Variants in SCN10A observed in about 807,000 individuals in gnomAD.
SCN10A encodes the protein sodium voltage-gated channel alpha subunit 10.
In SCN10A, 162 loss-of-function variants were observed where a neutral mutation model predicts 170.7. The ratio of observed to expected loss-of-function variants is 0.95; its 90% CI spans 0.84 to 1.08. The LOEUF (loss-of-function observed/expected upper bound fraction) is 1.08. Among genes scored for constraint, SCN10A ranks in the 50% least tolerant of loss-of-function variants. SCN10A has a pLI of 0.00. For missense variants in SCN10A, 2,527 were observed against 2,436.9 expected (o/e 1.04, Z -0.78); for synonymous variants, 985 against 904.6 (o/e 1.09, Z -1.59).
chr3:38,759,178 A>G (rs774166363), intron 8 of SCN10A, among the ~76,000 whole-genome samples: 3 of 152,128 alleles, frequency 2.0e-5, no homozygotes, highest in Non-Finnish European at 4.4e-5. Context: ...TGGAGCCGTC[A>G]GCCTCTCAGG....
chr3:38,786,533 T>C (rs1005936639), intron 4 of SCN10A, among the ~76,000 whole-genome samples: 10 of 152,070 alleles, frequency 6.6e-5, no homozygotes, highest in Non-Finnish European at 8.8e-5. Context: ...ATGTAGATGA[T>C]GGGTTGATGG....
At chr3:38,741,356 TAAGAA>T (rs1290227764) in intron 14 of SCN10A, among the ~76,000 whole-genome samples, 2 of 151,898 alleles carry the variant, frequency 1.3e-5, no homozygotes, top group African/African-American at 4.8e-5. Flanking sequence ...ATTCAGGGGT[TAAGAA>T]AAGCGGGCTT....
chr3:38,713,405 T>G (rs576133520), intron 22 of SCN10A, among the ~76,000 whole-genome samples: 1 of 152,008 alleles, frequency 6.6e-6, no homozygotes, highest in East Asian at 1.9e-4. Flanking sequence ...GTTGGGTGAT[T>G]GAGATAATAG....
rs1398594024 is a variant in SCN10A at position 38,752,331 on chromosome 3, G to A, written c.1643C>T (p.Pro548Leu). Residue 548 changes from proline to leucine, a missense_variant, in exon 12 of 28, where the codon CCC becomes CTC. Transcript: ENST00000449082. The stretch of plus-strand genomic sequence containing the variant: ...TTGAGGAAGAGGGCTTCTAGGGAGG[G>A]GGCCTTGCTGGCCAGCACCCCCACC... ...LLGGGAGQQG[P>L]LPRSPLPQPS... The A allele has an allele frequency of 1.9e-6, 3 of 1,613,180 alleles. No homozygotes were observed. The highest frequency in any genetic ancestry group is 1.1e-5 in the South Asian group (1 of 90,850).
intron 4 of SCN10A, among the ~76,000 whole-genome samples, chr3:38,782,593 C>T (rs1008376247): frequency 1.3e-5 from 2 of 152,038 alleles, no homozygotes; most frequent in Admixed American, 1.3e-4. Flanking sequence ...CCAAATAACT[C>T]CCAAATAACT....
chr3:38,787,488 AC>A (rs555777449), intron 4 of SCN10A, among the ~76,000 whole-genome samples: 1 of 150,226 alleles, frequency 6.7e-6, no homozygotes, highest in South Asian at 2.1e-4. Flanking sequence ...TTCTTCTTGC[AC>A]TTTTTTTTTC....
At position 38,714,051 on chromosome 3, in the gene SCN10A, A is replaced by T. The variant is rs148339462; in HGVS notation, c.3711T>A (p.Ile1237=). 75 of 1,614,048 alleles carry T rather than the reference A, an allele frequency of 4.6e-5. No individual in the cohort carries two copies. The highest frequency in any genetic ancestry group is 6.1e-5 in the Non-Finnish European group (72 of 1,180,032). ...TGGGAGCCACTTCAGAATATTCCAG[A>T]ATCTTCGCTGTGAGACTTATCAGTG... ...NISLISLTAK[I]LEYSEVAPIK... is the part of the protein sequence containing the mutation. Residue 1237 remains isoleucine (I), a synonymous_variant, in exon 22 of 28, where the codon ATT becomes ATA. Transcript: ENST00000449082.
At chr3:38,737,395 A>T (rs1412522750) in intron 15 of SCN10A, among the ~76,000 whole-genome samples, 1 of 152,166 alleles carries the variant, frequency 6.6e-6, no homozygotes, top group African/African-American at 2.4e-5. Flanking sequence ...ACATCTTGAC[A>T]TCAATTTCTA....
intron 1 of SCN10A, among the ~76,000 whole-genome samples, chr3:38,805,289 C>A (rs1376682146): frequency 6.6e-6 from 1 of 152,118 alleles, no homozygotes; most frequent in Admixed American, 6.5e-5. Flanking sequence ...GAAATACTAA[C>A]TGAACTACTG....
intron 13 of SCN10A, among the ~76,000 whole-genome samples, chr3:38,746,834 T>A (rs984749247): frequency 2.6e-4 from 40 of 152,318 alleles, no homozygotes; most frequent in African/African-American, 9.1e-4. Flanking sequence ...CTCACTGCTG[T>A]GACCCAGCTT....
chr3:38,735,052 C>A (rs1405122411), intron 15 of SCN10A, among the ~76,000 whole-genome samples: 2 of 151,740 alleles, frequency 1.3e-5, no homozygotes, highest in African/African-American at 4.8e-5. Flanking sequence ...TGCCTGTAGT[C>A]CCAGCTACTC....
At chr3:38,768,474 A>G (rs2063958851) in intron 5 of SCN10A, among the ~76,000 whole-genome samples, 1 of 152,058 alleles carries the variant, frequency 6.6e-6, no homozygotes. Flanking sequence ...TCTGAAAAAA[A>G]CTTTATCTTG....
intron 1 of SCN10A, among the ~76,000 whole-genome samples, chr3:38,808,937 G>A (rs2064422659): frequency 6.6e-6 from 1 of 152,194 alleles, no homozygotes; most frequent in Non-Finnish European, 1.5e-5. Context: ...CTTGCTTTCT[G>A]ATGTTGGACG....
chr3:38,797,778 G>T (rs1291311453), intron 1 of SCN10A, among the ~76,000 whole-genome samples: 1 of 152,208 alleles, frequency 6.6e-6, no homozygotes, highest in Non-Finnish European at 1.5e-5. Flanking sequence ...GTTGAGGATT[G>T]AGAACAGGAC....
chr3:38,799,829 C>T (rs1265605151), intron 1 of SCN10A, among the ~76,000 whole-genome samples: 1 of 152,038 alleles, frequency 6.6e-6, no homozygotes, highest in Admixed American at 6.6e-5. Flanking sequence ...TGTCTTGCAT[C>T]TCCTGAGGGC....
chr3:38,729,038 G>T, intron 15 of SCN10A, 137 bp from the exon 16 acceptor site: 1 of 1,023,200 alleles, frequency 9.8e-7, no homozygotes, highest in Non-Finnish European at 1.4e-6. Flanking sequence ...TCTGGACACT[G>T]CTTTTGGAGA....
rs950904242 is a variant in SCN10A, at chr3:38,764,914, G to A, written c.600-1318C>T. ...TTATGGCCATTCTTGCAGGAGTAAG[G>A]TGGTATCTCATTGTGGTTTTAATTT... is the stretch of plus-strand genomic sequence containing the variant. On this transcript the variant is annotated intron_variant, in intron 5 of 27. Transcript: ENST00000449082. Among the ~76,000 whole-genome samples, 3 of 152,042 alleles carry A rather than the reference G, an allele frequency of 2.0e-5. No individual in the cohort carries two copies. In the East Asian group the frequency reaches 5.8e-4, roughly 29 times the overall value.
At chr3:38,732,152 A>G (rs1240384389) in intron 15 of SCN10A, among the ~76,000 whole-genome samples, 2 of 152,274 alleles carry the variant, frequency 1.3e-5, no homozygotes. Context: ...GAGACTGGTC[A>G]TATAGTCTCC....
intron 27 of SCN10A, 61 bp downstream of exon 27, chr3:38,701,778 G>A (rs766560373): frequency 2.4e-5 from 35 of 1,485,950 alleles, no homozygotes; most frequent in Non-Finnish European, 2.4e-5. Context: ...GGTTTTAGAA[G>A]AGCATCCCAA....
Sources: gnomAD v4.1 joint callset for allele counts (sites outside exome capture counted in the v4.1 genomes callset) on GRCh38, gnomAD v4.1.1 for gene constraint, MANE v1.5 for transcripts, NCBI Gene and HGNC (gene_info 2026-07-23, HGNC 2026-07-21) for gene names.